The following FRYL variants were observed in gnomAD, a reference collection of about 807,000 sequenced individuals.
FRYL encodes protein furry homolog-like.
FRYL carries 150 observed loss-of-function variants against 351.2 expected under a neutral mutation model. The observed-to-expected ratio is 0.43, with a 90% CI of 0.37 to 0.49. The LOEUF (loss-of-function observed/expected upper bound fraction) is 0.49. Among genes scored for constraint, FRYL ranks in the 20% least tolerant of loss-of-function variants. FRYL has a pLI of 0.00. For missense variants in FRYL, 3,036 were observed against 3,619.3 expected, an observed-to-expected ratio of 0.84 and a Z score of 4.13; for synonymous variants, 1,153 against 1,257.1, an observed-to-expected ratio of 0.92 and a Z score of 1.75.
chr4:48,514,492 ATTC>A (rs1713851568), intron 56 of FRYL, among the ~76,000 whole-genome samples: 1 of 152,190 alleles, frequency 6.6e-6, no homozygotes, highest in South Asian at 2.1e-4. Flanking sequence ...CCACTTGAGA[ATTC>A]TTCATACTTT....
chr4:48,594,818 G>A lies in FRYL; in HGVS notation c.1248+772C>T, dbSNP rs78578740. Reference sequence around the variant, plus strand: ...AACCTTACCTATGTTTCTCCAAGATGGATGTCCCAAAAGGAAATGTGACCA... The same window carrying A: ...AACCTTACCTATGTTTCTCCAAGATAGATGTCCCAAAAGGAAATGTGACCA... On this transcript the variant is annotated intron_variant, in intron 15 of 63. Transcript: ENST00000358350. Among the ~76,000 whole-genome samples the A allele has an allele frequency of 5.4e-3, 820 of 152,258 alleles. 2 individuals carry two copies. Among genetic ancestry groups the A allele is most frequent in the Non-Finnish European group, 8.1e-3 (552 of 68,008 alleles).
At chr4:48,586,152 T>A (rs562309053) in intron 19 of FRYL, among the ~76,000 whole-genome samples, 32 of 152,184 alleles carry the variant, frequency 2.1e-4, no homozygotes, top group South Asian at 6.2e-4. Context: ...AGCTATGACA[T>A]GCCTAATAGA....
chr4:48,748,077 C>T (rs570247363), intron 1 of FRYL, among the ~76,000 whole-genome samples: 57 of 152,176 alleles, frequency 3.7e-4, no homozygotes, highest in African/African-American at 1.3e-3. Context: ...GAAACCCTGT[C>T]TCCACCAAAA....
chr4:48,537,516 G>A (rs184602146), intron 47 of FRYL, among the ~76,000 whole-genome samples: 55 of 152,284 alleles, frequency 3.6e-4, no homozygotes, highest in Non-Finnish European at 5.1e-4. Flanking sequence ...GCATAATGAA[G>A]GAGCACATAA....
At chr4:48,557,233 C>T (rs1290694904) in intron 34 of FRYL, 115 bp from the exon 35 acceptor site, 3 of 1,280,628 alleles carry the variant, frequency 2.3e-6, no homozygotes, top group Non-Finnish European at 3.2e-6. Context: ...TAATCGTTTC[C>T]ACACTTTACA....
At position 48,564,064 on chromosome 4, in the gene FRYL, C is replaced by T. The variant is rs1451368025; in HGVS notation, c.3480G>A (p.Leu1160=). Residue 1160 remains leucine, a synonymous_variant, in exon 31 of 64, where the codon CTG becomes CTA. Coordinates refer to ENST00000358350, the MANE Select transcript of FRYL (RefSeq NM_015030.2). ...QLGCEAVTLL[L]ELNPDQSNLM... is the part of the protein sequence containing the mutation. The stretch of plus-strand genomic sequence containing the variant: ...GGTTGCTCTGATCAGGGTTCAGCTC[C>T]AGTAACAACGTAACTGCTTCACAGC... 1.2e-6 allele frequency: 2 copies of T among 1,614,042 alleles called. No individual in the cohort carries two copies. Among genetic ancestry groups the T allele is most frequent in the South Asian group, 1.1e-5 (1 of 91,082 alleles).
chr4:48,657,358 T>TC (rs895281206), intron 3 of FRYL, among the ~76,000 whole-genome samples: 1 of 148,792 alleles, frequency 6.7e-6, no homozygotes, highest in Non-Finnish European at 1.5e-5. Flanking sequence ...CTTTTCTTTT[T>TC]TTTTTTTTTT....
At chr4:48,596,792 T>C (rs578206491) in intron 13 of FRYL, among the ~76,000 whole-genome samples, 1 of 152,258 alleles carries the variant, frequency 6.6e-6, no homozygotes, top group African/African-American at 2.4e-5. Flanking sequence ...TTCTTCATTC[T>C]AGCTGTTATA....
chr4:48,632,117 T>TATATATATATATATA (rs1753313758), intron 4 of FRYL, among the ~76,000 whole-genome samples: 1 of 39,986 alleles, frequency 2.5e-5, no homozygotes, highest in Non-Finnish European at 6.6e-5. Context: ...TATATATATA[T>TATATATATATATATA]ATATATATAT....
chr4:48,670,851 TG>T (rs1030636568), intron 3 of FRYL, among the ~76,000 whole-genome samples: 14 of 152,228 alleles, frequency 9.2e-5, no homozygotes, highest in African/African-American at 3.1e-4. Context: ...AATCTGTTGG[TG>T]GACATTTAGG....
At chr4:48,536,475 ACT>A (rs1312148110) in intron 47 of FRYL, among the ~76,000 whole-genome samples, 1 of 152,006 alleles carries the variant, frequency 6.6e-6, no homozygotes, top group African/African-American at 2.4e-5. Context: ...AAATGTACTG[ACT>A]CTCATGTTTG....
Position 48,609,803 on chromosome 4 carries a change from G to C in FRYL, c.432C>G (p.Pro144=). The C allele has an allele frequency of 6.3e-7, 1 of 1,591,926 alleles. No individual in the cohort carries two copies. The highest frequency in any genetic ancestry group is 1.3e-5 in the African/African-American group (1 of 74,352). Reference sequence around the variant, plus strand: ...TTAGAACTTCATGAACTAAGGGATCGGGTACAGGATGAACAGGAATCTAGA... The same window carrying C: ...TTAGAACTTCATGAACTAAGGGATCCGGTACAGGATGAACAGGAATCTAGA... ...VLKQIPVHPV[P]DPLVHEVLNL... is the part of the protein sequence containing the mutation. Residue 144 remains proline (P), a synonymous_variant, in exon 8 of 64, where the codon CCC becomes CCG. Coordinates refer to ENST00000358350, the MANE Select transcript of FRYL (RefSeq NM_015030.2).
At chr4:48,672,669 AC>A (rs1393920787) in intron 3 of FRYL, among the ~76,000 whole-genome samples, 1 of 152,270 alleles carries the variant, frequency 6.6e-6, no homozygotes, top group African/African-American at 2.4e-5. Context: ...CTGCCCAGCA[AC>A]CTTTTTTATC....
At chr4:48,604,261 G>C (rs1425916378) in intron 11 of FRYL, among the ~76,000 whole-genome samples, 1 of 152,224 alleles carries the variant, frequency 6.6e-6, no homozygotes, top group African/African-American at 2.4e-5. Flanking sequence ...CAGAGAAAGA[G>C]GGGAGGGAGG....
intron 1 of FRYL, among the ~76,000 whole-genome samples, chr4:48,723,748 C>T (rs1205698258): frequency 1.3e-5 from 2 of 151,904 alleles, no homozygotes; most frequent in Non-Finnish European, 2.9e-5. Flanking sequence ...GATACTCCTG[C>T]ATCTCCTCAT....
At chr4:48,639,812 C>T (rs1754984754) in intron 3 of FRYL, among the ~76,000 whole-genome samples, 1 of 151,934 alleles carries the variant, frequency 6.6e-6, no homozygotes, top group South Asian at 2.1e-4. Flanking sequence ...AAAACTCAAC[C>T]ACCAGAAAAC....
chr4:48,528,231 C>A lies in FRYL; in HGVS notation c.7009G>T (p.Gly2337Cys), dbSNP rs754838616. The change falls in exon 51 of 64, where the codon GGT (glycine) becomes TGT (cysteine). Residue 2337 changes from glycine (G) to cysteine (C), a missense_variant. Around this residue, in one of 7 missense-constraint regions of FRYL, gnomAD observed 1,987 missense variants for 2,311.7 expected, o/e 0.86. Transcript: ENST00000358350. ...GGAACCAAGGCATTAGAATTAGAAC[C>A]AGAAGAAGTTGAGGAAGTACTTCTA... ...VTRSTSSTSSGSNSNALVPVS... is the reference protein window; with the variant it reads ...VTRSTSSTSSCSNSNALVPVS... 1 of 1,613,332 alleles carries A rather than the reference C, an allele frequency of 6.2e-7. No homozygotes were observed. Among genetic ancestry groups the A allele is most frequent in the Admixed American group, 1.7e-5 (1 of 59,964 alleles).
At chr4:48,709,447 G>A (rs1174022313) in intron 2 of FRYL, among the ~76,000 whole-genome samples, 1 of 152,148 alleles carries the variant, frequency 6.6e-6, no homozygotes, top group African/African-American at 2.4e-5. Flanking sequence ...TGGAAAGAAA[G>A]AGAATAAAAG....
chr4:48,597,114 A>G (rs989998756), intron 13 of FRYL, among the ~76,000 whole-genome samples: 2 of 152,204 alleles, frequency 1.3e-5, no homozygotes, highest in African/African-American at 4.8e-5. Context: ...TAATGTAACT[A>G]AAGTAACATA....
Sources: gnomAD v4.1 joint callset for allele counts (sites outside exome capture counted in the v4.1 genomes callset) on GRCh38, gnomAD v4.1.1 for gene constraint, gnomAD v4.1.1 regional missense constraint, MANE v1.5 for transcripts, NCBI Gene and HGNC (gene_info 2026-07-23, HGNC 2026-07-21) for gene names.